Variants in SPATS2 observed in about 807,000 individuals in gnomAD.
The protein encoded by SPATS2 is spermatogenesis-associated serine-rich protein 2.
Under a neutral mutation model 63.7 loss-of-function variants are expected in SPATS2, and 38 were observed. That is an observed-to-expected ratio of 0.60 (90% CI 0.46 to 0.78). The LOEUF is 0.78. Among genes scored for constraint, SPATS2 ranks in the 30% least tolerant of loss-of-function variants. The pLI, the probability that SPATS2 is intolerant of heterozygous loss-of-function variation, is 0.00. For missense variants in SPATS2, 588 were observed against 666.2 expected, an observed-to-expected ratio of 0.88 and a Z score of 1.29; for synonymous variants, 207 against 232.9, an observed-to-expected ratio of 0.89 and a Z score of 1.01.
At chr12:49,395,954 C>T (rs530379199) in intron 2 of SPATS2, among the ~76,000 whole-genome samples, 33 of 152,318 alleles carry the variant, frequency 2.2e-4, no homozygotes, top group African/African-American at 3.8e-4. Flanking sequence ...CTACTTGATG[C>T]ATCTGTGTGT....
intron 8 of SPATS2, among the ~76,000 whole-genome samples, chr12:49,498,524 A>C (rs986124261): frequency 1.2e-4 from 19 of 152,108 alleles, no homozygotes; most frequent in African/African-American, 3.6e-4. Context: ...CCTGTAACTT[A>C]AGGAATTTTG....
Position 49,470,723 on chromosome 12 carries a change from C to A in SPATS2, c.25+9686C>A, listed in dbSNP as rs527418569. Among the ~76,000 whole-genome samples, 8 of 152,250 alleles carry A rather than the reference C, an allele frequency of 5.3e-5. No individual in the cohort carries two copies. The South Asian group carries it at 1.7e-3, about 32-fold the overall frequency. On this transcript the variant is annotated intron_variant, in intron 3 of 13. Transcript: ENST00000552918. ...TTACCTTTTTTTGAGTGTGTCCCAA[C>A]CACCTAGTACAGTTAGTTGTGTATG...
chr12:49,400,934 G>A (rs183935911), intron 2 of SPATS2, among the ~76,000 whole-genome samples: 8 of 152,196 alleles, frequency 5.3e-5, no homozygotes, highest in African/African-American at 1.4e-4. Context: ...TGAGTGCCGT[G>A]GTGCATAGCT....
intron 1 of SPATS2, among the ~76,000 whole-genome samples, chr12:49,368,994 A>G (rs948489084): frequency 2.6e-4 from 40 of 151,870 alleles, no homozygotes; most frequent in Admixed American, 2.3e-3. Flanking sequence ...CAAAGCAAGA[A>G]ATGAGTGCAG....
intron 2 of SPATS2, among the ~76,000 whole-genome samples, chr12:49,380,875 G>A (rs1944206612): frequency 6.7e-6 from 1 of 150,362 alleles, no homozygotes; most frequent in Non-Finnish European, 1.5e-5. Flanking sequence ...GGGTCATATA[G>A]TAATTCTTTT....
chr12:49,387,386 C>T (rs1450034688), intron 2 of SPATS2, among the ~76,000 whole-genome samples: 1 of 151,716 alleles, frequency 6.6e-6, no homozygotes, highest in East Asian at 1.9e-4. Context: ...CCTGTAATCC[C>T]AGCATTTTGG....
intron 2 of SPATS2, among the ~76,000 whole-genome samples, chr12:49,439,972 T>A (rs1409644188): frequency 2.0e-5 from 3 of 152,182 alleles, no homozygotes. Flanking sequence ...AAATTTAGAA[T>A]ATGTTTATGC....
intron 2 of SPATS2, among the ~76,000 whole-genome samples, chr12:49,436,700 A>C (rs1217366653): frequency 8.6e-6 from 1 of 115,644 alleles, no homozygotes; most frequent in African/African-American, 3.3e-5. Context: ...GGCGCCCCTC[A>C]CCTCCCGGAT....
intron 12 of SPATS2, among the ~76,000 whole-genome samples, chr12:49,523,722 C>T (rs925161697): frequency 6.6e-6 from 1 of 151,980 alleles, no homozygotes; most frequent in Non-Finnish European, 1.5e-5. Context: ...GAGGCTGAGG[C>T]AGGTGAATCA....
chr12:49,369,925 G>A (rs1178956177), intron 1 of SPATS2, among the ~76,000 whole-genome samples: 1 of 152,154 alleles, frequency 6.6e-6, no homozygotes, highest in Non-Finnish European at 1.5e-5. Context: ...ATTGGTACTA[G>A]CATTACCTCT....
intron 13 of SPATS2, 65 bp downstream of exon 13, chr12:49,524,961 C>A: frequency 6.7e-7 from 1 of 1,490,394 alleles, no homozygotes; most frequent in Non-Finnish European, 9.3e-7. Flanking sequence ...AGCTTAAATG[C>A]TGTTAGCTCA....
rs934738968 is a variant in SPATS2, at chr12:49,509,206, G to A, written c.840-5349G>A. 4.0e-5 allele frequency among the ~76,000 whole-genome samples: 6 copies of A among 151,218 alleles called. No homozygotes were observed. The South Asian group carries it at 1.3e-3, about 32-fold the overall frequency. On this transcript the variant is annotated intron_variant, in intron 9 of 13. Coordinates refer to ENST00000552918, the MANE Select transcript of SPATS2 (RefSeq NM_023071.4). Reference sequence around the variant, plus strand: ...GAGGTGCTTTTGACTATTGGAAAAGGAAAGAAAGGTTACTCCATTGAAAGC... The same window carrying A: ...GAGGTGCTTTTGACTATTGGAAAAGAAAAGAAAGGTTACTCCATTGAAAGC...
intron 2 of SPATS2, among the ~76,000 whole-genome samples, chr12:49,428,673 A>T (rs1454898997): frequency 6.6e-6 from 1 of 152,188 alleles, no homozygotes; most frequent in African/African-American, 2.4e-5. Flanking sequence ...ATTGGCACAT[A>T]GTAGGTTTAT....
chr12:49,438,280 G>A (rs1945353890), intron 2 of SPATS2, among the ~76,000 whole-genome samples: 1 of 151,136 alleles, frequency 6.6e-6, no homozygotes. Context: ...GTATGTAGCA[G>A]TGTTTCTTTT....
intron 2 of SPATS2, among the ~76,000 whole-genome samples, chr12:49,423,201 C>T (rs1472294160): frequency 3.3e-5 from 5 of 151,368 alleles, no homozygotes; most frequent in Non-Finnish European, 7.4e-5. Context: ...GGTGCGATCT[C>T]GGCTCACTGC....
chr12:49,420,998 C>T (rs971524902), intron 2 of SPATS2, among the ~76,000 whole-genome samples: 4 of 152,066 alleles, frequency 2.6e-5, no homozygotes, highest in South Asian at 4.1e-4. Flanking sequence ...CAGAATGAGA[C>T]CCTGATTCAA....
intron 3 of SPATS2, among the ~76,000 whole-genome samples, chr12:49,467,924 G>A (rs1272682170): frequency 6.6e-6 from 1 of 151,780 alleles, no homozygotes. Flanking sequence ...TAGTAGAGAC[G>A]GGGTTTCACG....
rs1947007056 is a variant in SPATS2, at chr12:49,524,900, A to G, written c.1326+4A>G. 1 of 1,612,770 alleles carries G rather than the reference A, an allele frequency of 6.2e-7. No homozygotes were observed. Among genetic ancestry groups the G allele is most frequent in the African/African-American group, 1.3e-5 (1 of 74,888 alleles). ...GCCCTACCAGCCACTTCGGGAGGTA[A>G]CCTAGCTTCTACACTGAGCATGTTA... On this transcript the variant is annotated splice_donor_region_variant and intron_variant, in intron 13 of 13. Coordinates refer to ENST00000552918, the MANE Select transcript of SPATS2 (RefSeq NM_023071.4).
At chr12:49,389,753 G>C in intron 2 of SPATS2, 2 of 1,497,018 alleles carry the variant, frequency 1.3e-6, no homozygotes, top group Admixed American at 1.7e-5. Flanking sequence ...TCAGAGAATT[G>C]CAACAAGAAA....
Sources: allele counts gnomAD v4.1 joint callset (sites outside exome capture counted in the v4.1 genomes callset), GRCh38; gene constraint gnomAD v4.1.1; transcripts MANE v1.5; gene names NCBI Gene and HGNC (gene_info 2026-07-23, HGNC 2026-07-21).